HCN1: variants seen among roughly 807,000 people sequenced by gnomAD.
The protein encoded by HCN1 is potassium/sodium hyperpolarization-activated cyclic nucleotide-gated channel 1.
Under a neutral mutation model 78.9 loss-of-function variants are expected in HCN1, and 13 were observed. The observed-to-expected ratio is 0.16, with a 90% confidence interval of 0.11 to 0.26. The LOEUF is 0.26. Ranked by LOEUF, HCN1 falls within the 10% of genes least tolerant of loss-of-function variation. HCN1 has a pLI of 1.00. For missense variants in HCN1, 810 were observed against 1,154.3 expected (o/e 0.70, Z 4.32); for synonymous variants, 552 against 455.5 (o/e 1.21, Z -2.70).
At chr5:45,281,708 C>T (rs1336283213) in intron 6 of HCN1, among the ~76,000 whole-genome samples, 4 of 151,046 alleles carry the variant, frequency 2.6e-5, no homozygotes, top group Non-Finnish European at 4.4e-5. Context: ...CTGCCTCAGC[C>T]TCCTGAGCAG....
chr5:45,462,665 T>C (rs996721807), intron 2 of HCN1, among the ~76,000 whole-genome samples: 7 of 152,120 alleles, frequency 4.6e-5, no homozygotes, highest in African/African-American at 1.7e-4. Context: ...CAGGCTTTAC[T>C]TTTCAGTTAC....
chr5:45,681,617 G>A (rs1461180298), intron 1 of HCN1, among the ~76,000 whole-genome samples: 2 of 151,492 alleles, frequency 1.3e-5, no homozygotes, highest in Admixed American at 1.3e-4. Flanking sequence ...TCAAAATATT[G>A]ACTCAATATT....
At chr5:45,636,877 C>A (rs531800099) in intron 2 of HCN1, among the ~76,000 whole-genome samples, 3 of 152,184 alleles carry the variant, frequency 2.0e-5, no homozygotes, top group African/African-American at 7.2e-5. Flanking sequence ...ATTTATAATT[C>A]TTTCAATATC....
At chr5:45,269,158 G>T (rs1445237719) in intron 6 of HCN1, among the ~76,000 whole-genome samples, 1 of 152,168 alleles carries the variant, frequency 6.6e-6, no homozygotes, top group African/African-American at 2.4e-5. Context: ...ATGGAAAAGG[G>T]AATTAACAGT....
intron 5 of HCN1, among the ~76,000 whole-genome samples, chr5:45,341,917 G>C (rs1353541199): frequency 6.6e-6 from 1 of 152,244 alleles, no homozygotes; most frequent in South Asian, 2.1e-4. Flanking sequence ...GTTTTGATGG[G>C]AGATCATTAG....
chr5:45,276,114 C>A (rs960949347), intron 6 of HCN1, among the ~76,000 whole-genome samples: 1 of 152,068 alleles, frequency 6.6e-6, no homozygotes, highest in Non-Finnish European at 1.5e-5. Context: ...ACAATAGTCT[C>A]CATAGGCAAT....
At chr5:45,472,996 A>C (rs1741424520) in intron 2 of HCN1, among the ~76,000 whole-genome samples, 1 of 151,746 alleles carries the variant, frequency 6.6e-6, no homozygotes. Flanking sequence ...CTCTCTCTGA[A>C]CTGTTTTTTA....
At chr5:45,599,640 A>T (rs1006473045) in intron 2 of HCN1, among the ~76,000 whole-genome samples, 5 of 152,150 alleles carry the variant, frequency 3.3e-5, no homozygotes, top group Admixed American at 1.3e-4. Context: ...AACAGTTAAA[A>T]GTTCTGTCAG....
chr5:45,323,285 T>C (rs1166837385), intron 5 of HCN1, among the ~76,000 whole-genome samples: 3 of 151,962 alleles, frequency 2.0e-5, no homozygotes, highest in Non-Finnish European at 4.4e-5. Context: ...ATATTGATTG[T>C]GTGTTGAAAT....
At chr5:45,328,601 T>C (rs1354826796) in intron 5 of HCN1, among the ~76,000 whole-genome samples, 2 of 151,644 alleles carry the variant, frequency 1.3e-5, no homozygotes, top group Non-Finnish European at 3.0e-5. Context: ...GACTCAAGCA[T>C]TGTGGCTCCA....
At chr5:45,664,517 C>A (rs1411128250) in intron 1 of HCN1, among the ~76,000 whole-genome samples, 3 of 146,630 alleles carry the variant, frequency 2.0e-5, no homozygotes, top group Admixed American at 1.4e-4. Context: ...AAGCAACCTA[C>A]AAAATGGGAG....
At chr5:45,578,542 T>G (rs1043731483) in intron 2 of HCN1, among the ~76,000 whole-genome samples, 4 of 152,036 alleles carry the variant, frequency 2.6e-5, no homozygotes, top group South Asian at 2.1e-4. Context: ...ATCTACAGTG[T>G]CACACTGTCT....
intron 2 of HCN1, among the ~76,000 whole-genome samples, chr5:45,623,750 G>A (rs1745112575): frequency 6.6e-6 from 1 of 152,150 alleles, no homozygotes; most frequent in Non-Finnish European, 1.5e-5. Flanking sequence ...TGTTCCTAGA[G>A]CTCTCATTCT....
chr5:45,428,365 T>C (rs1740392409), intron 3 of HCN1, among the ~76,000 whole-genome samples: 2 of 152,088 alleles, frequency 1.3e-5, no homozygotes, highest in African/African-American at 2.4e-5. Flanking sequence ...TGATGATCAA[T>C]GTCAAGTTTC....
chr5:45,546,305 AT>A (rs1321480887), intron 2 of HCN1, among the ~76,000 whole-genome samples: 4 of 151,898 alleles, frequency 2.6e-5, no homozygotes, highest in Non-Finnish European at 2.9e-5. Context: ...TTTGCAATTT[AT>A]TTTATATATC....
At chr5:45,597,621 G>T (rs1018967860) in intron 2 of HCN1, among the ~76,000 whole-genome samples, 1 of 152,138 alleles carries the variant, frequency 6.6e-6, no homozygotes, top group Non-Finnish European at 1.5e-5. Flanking sequence ...AAAACAGGAA[G>T]TCAAATTGTC....
At chr5:45,335,012 G>T (rs1489738090) in intron 5 of HCN1, among the ~76,000 whole-genome samples, 2 of 152,002 alleles carry the variant, frequency 1.3e-5, no homozygotes, top group Non-Finnish European at 2.9e-5. Flanking sequence ...TTAAAGGTCA[G>T]CAGGATGGGA....
chr5:45,409,948 C>A (rs998437436), intron 3 of HCN1, among the ~76,000 whole-genome samples: 2 of 151,376 alleles, frequency 1.3e-5, no homozygotes, highest in African/African-American at 4.8e-5. Flanking sequence ...GTTACTTGCC[C>A]AAGGTCTGAT....
chr5:45,440,073 C>T (rs1287246446), intron 3 of HCN1, among the ~76,000 whole-genome samples: 1 of 149,770 alleles, frequency 6.7e-6, no homozygotes, highest in Non-Finnish European at 1.5e-5. Context: ...AAAGGATCAA[C>T]CTCAATTTGG....
Sources: gnomAD v4.1 joint callset for allele counts (sites outside exome capture counted in the v4.1 genomes callset) on GRCh38, gnomAD v4.1.1 for gene constraint, MANE v1.5 for transcripts, NCBI Gene and HGNC (gene_info 2026-07-23, HGNC 2026-07-21) for gene names.